Variants in BCL7C observed in about 807,000 individuals in gnomAD.
BCL7C encodes B-cell CLL/lymphoma 7 protein family member C.
BCL7C carries 8 observed loss-of-function variants against 26.2 expected under a neutral mutation model. The ratio of observed to expected loss-of-function variants is 0.30; its 90% CI spans 0.18 to 0.55. The LOEUF is 0.55. Ranked by LOEUF, BCL7C falls within the 20% of genes least tolerant of loss-of-function variation. The probability of loss-of-function intolerance (pLI) is 0.93; values close to 1 mark genes in which losing one functional copy is unlikely to be tolerated. For synonymous variants in BCL7C, 90 were observed against 116.5 expected (o/e 0.77, Z 1.47); for missense variants, 262 against 298.5 (o/e 0.88, Z 0.90).
At chr16:30,868,303 T>C (rs1437147000) in intron 5 of BCL7C, among the ~76,000 whole-genome samples, 1 of 149,610 alleles carries the variant, frequency 6.7e-6, no homozygotes, top group Admixed American at 6.7e-5. Context: ...AATTTTTTTT[T>C]TTTTTTTGTA....
intron 5 of BCL7C, among the ~76,000 whole-genome samples, chr16:30,866,957 G>A (rs900748657): frequency 1.3e-5 from 2 of 152,184 alleles, no homozygotes; most frequent in South Asian, 4.1e-4. Flanking sequence ...AGAAGGCTGA[G>A]GCTGGAGGAT....
chr16:30,892,982 G>A (rs1433434842), intron 2 of BCL7C, 34 bp from the exon 3 acceptor site: 6 of 1,584,778 alleles, frequency 3.8e-6, no homozygotes, highest in Non-Finnish European at 4.3e-6. Context: ...AGAGCTCTTG[G>A]AAAGCCCCAC....
downstream of BCL7C, among the ~76,000 whole-genome samples, chr16:30,883,863 G>T (rs1449518071): frequency 6.8e-6 from 1 of 147,394 alleles, no homozygotes; most frequent in African/African-American, 2.5e-5. Flanking sequence ...CAGTGGCTCA[G>T]GCCTGTAATC....
At chr16:30,875,432 T>C (rs2054933437) in intron 5 of BCL7C, 1 of 152,446 alleles carries the variant, frequency 6.6e-6, no homozygotes, top group Admixed American at 6.5e-5. Flanking sequence ...GTCTGTGGCC[T>C]TAACCCTTCC....
intron 4 of BCL7C, 36 bp downstream of exon 4, chr16:30,892,550 T>TA (rs1383297209): frequency 2.5e-5 from 38 of 1,526,114 alleles, no homozygotes; most frequent in Non-Finnish European, 3.1e-5. Context: ...AGACAGGACT[T>TA]AGAGGAGAGA....
intron 5 of BCL7C, chr16:30,876,128 T>TG (rs1424618112): frequency 2.0e-5 from 3 of 152,292 alleles, no homozygotes; most frequent in Non-Finnish European, 4.4e-5. Context: ...AGTAAGTTCT[T>TG]GGGCTCTGCC....
chr16:30,872,467 C>T (rs992229972), intron 5 of BCL7C, among the ~76,000 whole-genome samples: 1 of 152,208 alleles, frequency 6.6e-6, no homozygotes, highest in Non-Finnish European at 1.5e-5. Flanking sequence ...ACCACCAGCA[C>T]GCACGTTCAC....
chr16:30,868,611 C>T (rs1363611594), intron 5 of BCL7C, among the ~76,000 whole-genome samples: 1 of 151,204 alleles, frequency 6.6e-6, no homozygotes, highest in Non-Finnish European at 1.5e-5. Context: ...CATGGAGAAA[C>T]CTGGTCTCTA....
intron 4 of BCL7C, among the ~76,000 whole-genome samples, chr16:30,889,784 A>G (rs756077907): frequency 3.9e-5 from 6 of 152,064 alleles, no homozygotes; most frequent in Non-Finnish European, 8.8e-5. Flanking sequence ...AAGAATAACA[A>G]CACTAATTAG....
At chr16:30,856,439 TAAAAAAA>T (rs61380254) in intron 5 of BCL7C, among the ~76,000 whole-genome samples, 1 of 116,570 alleles carries the variant, frequency 8.6e-6, no homozygotes, top group Non-Finnish European at 1.7e-5. Flanking sequence ...AGACTCCGTC[TAAAAAAA>T]AAAAAAAAAA....
chr16:30,851,629 T>A, intron 5 of BCL7C: 1 of 545,018 alleles, frequency 1.8e-6, no homozygotes, highest in Non-Finnish European at 3.3e-6. Context: ...ACAGCAGGCC[T>A]TGCAGTTTTT....
chr16:30,842,028 CA>C (rs2054605859), intron 5 of BCL7C, among the ~76,000 whole-genome samples: 3 of 146,240 alleles, frequency 2.1e-5, no homozygotes, highest in African/African-American at 7.5e-5. Flanking sequence ...CCCCTTCTTC[CA>C]AATATACTCT....
downstream of BCL7C, among the ~76,000 whole-genome samples, chr16:30,883,517 C>G (rs1388921718): frequency 1.4e-5 from 2 of 144,558 alleles, no homozygotes; most frequent in Non-Finnish European, 3.0e-5. Context: ...GTGTGAGACA[C>G]CATATCCAGC....
chr16:30,875,154 G>A (rs1421588054), intron 5 of BCL7C: 7 of 154,598 alleles, frequency 4.5e-5, no homozygotes, highest in Admixed American at 3.9e-4. Context: ...AACGCCCCGA[G>A]GGGCCACGAT....
Position 30,888,922 on chromosome 16 carries a change from T to C in BCL7C, c.466A>G (p.Ser156Gly), listed in dbSNP as rs1221501401. ...ERDPGGITAGSTDEPPMLTKE... is the reference protein window; with the variant it reads ...ERDPGGITAGGTDEPPMLTKE... ...GTCAGCATTGGGGGTTCGTCGGTGC[T>C]GCCAGCAGTTATGCCCCCGGGATCT... The change falls in exon 5 of 6, where the codon AGC becomes GGC. Residue 156 changes from serine (S) to glycine (G), a missense_variant. Ser to Gly is a moderately conservative substitution (Grantham distance 56). Coordinates refer to ENST00000215115, the MANE Select transcript of BCL7C (RefSeq NM_004765.4). The C allele has an allele frequency of 6.2e-7, 1 of 1,614,058 alleles. No individual in the cohort carries two copies. The highest frequency in any genetic ancestry group is 8.5e-7 in the Non-Finnish European group (1 of 1,179,948).
chr16:30,842,269 A>G (rs1354098830), intron 5 of BCL7C, among the ~76,000 whole-genome samples: 3 of 152,162 alleles, frequency 2.0e-5, no homozygotes, highest in Admixed American at 6.5e-5. Context: ...CTCAGAAGAA[A>G]CCAACTCTGC....
intron 5 of BCL7C, 108 bp downstream of exon 5, chr16:30,888,752 A>G: frequency 1.0e-6 from 1 of 992,036 alleles, no homozygotes; most frequent in Non-Finnish European, 1.5e-6. Flanking sequence ...GCTCTGTCCC[A>G]GGTCTGCCTC....
At chr16:30,865,730 T>C (rs1300282689) in intron 5 of BCL7C, among the ~76,000 whole-genome samples, 1 of 140,534 alleles carries the variant, frequency 7.1e-6, no homozygotes, top group African/African-American at 2.6e-5. Flanking sequence ...TTTTTTTCTT[T>C]TTTTTTTTTT....
chr16:30,857,387 CAAAA>C (rs71149059), intron 5 of BCL7C, among the ~76,000 whole-genome samples: 2 of 90,340 alleles, frequency 2.2e-5, no homozygotes, highest in Admixed American at 1.2e-4. Flanking sequence ...GACTCCATCT[CAAAA>C]AAAAAAAAAA....
Sources: gnomAD v4.1 joint callset for allele counts (sites outside exome capture counted in the v4.1 genomes callset) on GRCh38, gnomAD v4.1.1 for gene constraint, MANE v1.5 for transcripts, NCBI Gene and HGNC (gene_info 2026-07-23, HGNC 2026-07-21) for gene names.